Variants in NXNL2 observed in about 807,000 individuals in gnomAD.
The protein encoded by NXNL2 is nucleoredoxin like 2, also known as nucleoredoxin-like protein 2.
NXNL2 carries 7 observed loss-of-function variants against 11.1 expected under a neutral mutation model. The observed-to-expected ratio is 0.63, with a 90% CI of 0.36 to 1.18. NXNL2 has a LOEUF of 1.18. Among genes scored for constraint, NXNL2 ranks in the 50% most tolerant of loss-of-function variants. The probability of loss-of-function intolerance (pLI) is 0.02; values close to 1 mark genes in which losing one functional copy is unlikely to be tolerated. For synonymous variants in NXNL2, 109 were observed against 101.8 expected (o/e 1.07, Z -0.42); for missense variants, 233 against 217.7 (o/e 1.07, Z -0.44).
At chr9:88,571,408 T>C (rs1028306101) in intron 2 of NXNL2, among the ~76,000 whole-genome samples, 1 of 152,204 alleles carries the variant, frequency 6.6e-6, no homozygotes, top group Non-Finnish European at 1.5e-5. Context: ...CTTGGAGCTA[T>C]AGGTGCTTTG....
intron 1 of NXNL2, among the ~76,000 whole-genome samples, chr9:88,554,007 A>T (rs1015768864): frequency 2.6e-5 from 4 of 152,124 alleles, no homozygotes; most frequent in Non-Finnish European, 5.9e-5. Flanking sequence ...TAATTCATCC[A>T]TTCATTCATT....
chr9:88,577,758 A>T (rs938165013), downstream of NXNL2, among the ~76,000 whole-genome samples: 1 of 152,188 alleles, frequency 6.6e-6, no homozygotes, highest in Non-Finnish European at 1.5e-5. Context: ...TGAGTCTCTA[A>T]TCCAATATGT....
intron 1 of NXNL2, among the ~76,000 whole-genome samples, chr9:88,569,173 C>G (rs1032961816): frequency 1.3e-5 from 2 of 152,202 alleles, no homozygotes; most frequent in South Asian, 4.1e-4. Flanking sequence ...TCAAATGGTC[C>G]TCCTGCCTTG....
At chr9:88,546,019 G>A (rs968816068), downstream of NXNL2, among the ~76,000 whole-genome samples, 1 of 152,008 alleles carries the variant, frequency 6.6e-6, no homozygotes, top group Non-Finnish European at 1.5e-5. Context: ...CACCCGCCTC[G>A]GCCTCCCAAA....
At chr9:88,547,494 A>T (rs1281224189), downstream of NXNL2, among the ~76,000 whole-genome samples, 1 of 152,234 alleles carries the variant, frequency 6.6e-6, no homozygotes, top group Non-Finnish European at 1.5e-5. Flanking sequence ...AAGAGGGGTG[A>T]CACAGAGCTC....
chr9:88,560,413 C>T (rs1830072075), intron 1 of NXNL2, among the ~76,000 whole-genome samples: 1 of 151,874 alleles, frequency 6.6e-6, no homozygotes, highest in Non-Finnish European at 1.5e-5. Context: ...AATGGATTGC[C>T]GGGGCATCTC....
chr9:88,554,566 G>A (rs1305130649), intron 1 of NXNL2, among the ~76,000 whole-genome samples: 1 of 152,156 alleles, frequency 6.6e-6, no homozygotes, highest in East Asian at 1.9e-4. Context: ...GCCTTTGGCA[G>A]GGAATGATTT....
At position 88,552,716 on chromosome 9, in the gene NXNL2, A is replaced by G. The variant is rs370767652; in HGVS notation, c.302+16980A>G. On this transcript the variant is annotated intron_variant, in intron 1 of 2. Transcript: ENST00000375855. ...AATCTCCTGACCTCGTGATCCGCCC[A>G]CCTCAGCCTCCCAAAGTGCTGGGAT... is the stretch of plus-strand genomic sequence containing the variant. 4.6e-3 allele frequency among the ~76,000 whole-genome samples: 697 copies of G among 152,100 alleles called. 5 individuals carry two copies. The highest frequency in any genetic ancestry group is 7.7e-3 in the South Asian group (37 of 4,812).
At chr9:88,538,900 CAGG>C (rs1301707786) in intron 1 of NXNL2, among the ~76,000 whole-genome samples, 4 of 148,924 alleles carry the variant, frequency 2.7e-5, no homozygotes, top group African/African-American at 1.0e-4. Flanking sequence ...ATCCGAGGTG[CAGG>C]AGGTTAACTA....
At chr9:88,582,883 G>T (rs1210988008) in intron 1 of NXNL2, among the ~76,000 whole-genome samples, 4 of 152,176 alleles carry the variant, frequency 2.6e-5, no homozygotes, top group Admixed American at 6.5e-5. Context: ...GGCCAGGCTG[G>T]TCTCGAACTC....
downstream of NXNL2, among the ~76,000 whole-genome samples, chr9:88,580,515 T>C (rs1008165481): frequency 3.3e-5 from 5 of 152,086 alleles, no homozygotes; most frequent in East Asian, 1.9e-4. Flanking sequence ...GCTTCTCTCT[T>C]TTTTTTTCTC....
chr9:88,547,961 A>T (rs1829867043), downstream of NXNL2, among the ~76,000 whole-genome samples: 2 of 151,374 alleles, frequency 1.3e-5, no homozygotes, highest in East Asian at 1.9e-4. Flanking sequence ...GGTTGCAGTG[A>T]GCCGAGATCA....
intron 1 of NXNL2, among the ~76,000 whole-genome samples, chr9:88,539,213 G>A (rs905251884): frequency 5.9e-5 from 9 of 152,206 alleles, no homozygotes; most frequent in Non-Finnish European, 1.0e-4. Context: ...GAGTTTCCAG[G>A]TGATGTTGGT....
intron 1 of NXNL2, among the ~76,000 whole-genome samples, chr9:88,542,455 A>G (rs554224064): frequency 2.3e-4 from 35 of 151,138 alleles, no homozygotes; most frequent in Non-Finnish European, 3.4e-4. Context: ...TGCCCGGCTA[A>G]TTTTTTGTAT....
chr9:88,582,456 G>C (rs1285746838), intron 1 of NXNL2, among the ~76,000 whole-genome samples: 2 of 152,054 alleles, frequency 1.3e-5, no homozygotes, highest in African/African-American at 4.8e-5. Flanking sequence ...GCGACAGAGA[G>C]AGACTTCATC....
Position 88,538,567 on chromosome 9 carries a change from C to T in NXNL2, c.302+2831C>T, listed in dbSNP as rs1237228736. Among the ~76,000 whole-genome samples, 3 of 152,170 alleles carry T rather than the reference C, an allele frequency of 2.0e-5. No homozygotes were observed. The East Asian group carries it at 5.8e-4, about 29-fold the overall frequency. ...GTGTCTCCTCACGGTGGCAGAATGG[C>T]TGCTGTGTCTCAGACTGCGCATTCC... is the stretch of plus-strand genomic sequence containing the variant. On this transcript the variant is annotated intron_variant, in intron 1 of 1. Transcript: ENST00000375854.
At chr9:88,572,461 T>C (rs1830285372) in intron 2 of NXNL2, among the ~76,000 whole-genome samples, 1 of 152,168 alleles carries the variant, frequency 6.6e-6, no homozygotes, top group Non-Finnish European at 1.5e-5. Flanking sequence ...CTCCTGCAGC[T>C]GGGTGTTAAA....
intron 1 of NXNL2, among the ~76,000 whole-genome samples, chr9:88,560,180 G>T (rs1830069191): frequency 6.6e-6 from 1 of 151,982 alleles, no homozygotes; most frequent in Non-Finnish European, 1.5e-5. Context: ...AAAAGGCCTG[G>T]TCACTTTTGC....
downstream of NXNL2, among the ~76,000 whole-genome samples, chr9:88,549,413 C>G (rs967591574): frequency 6.6e-6 from 1 of 152,154 alleles, no homozygotes; most frequent in African/African-American, 2.4e-5. Context: ...TAATAGTTTC[C>G]TAAGAACAGG....
Sources: gnomAD v4.1 joint callset for allele counts (sites outside exome capture counted in the v4.1 genomes callset) on GRCh38, gnomAD v4.1.1 for gene constraint, MANE v1.5 for transcripts, NCBI Gene and HGNC (gene_info 2026-07-23, HGNC 2026-07-21) for gene names.